Variants in C9orf152 observed in about 807,000 individuals in gnomAD.
C9orf152 encodes the protein chromosome 9 open reading frame 152.
In C9orf152, 8 loss-of-function variants were observed where a neutral mutation model predicts 8.5. The ratio of observed to expected loss-of-function variants is 0.94; its 90% CI spans 0.55 to 1.70. The LOEUF is 1.70. Ranked by LOEUF, C9orf152 falls within the 40% of genes most tolerant of loss-of-function variation. The pLI, the probability that C9orf152 is intolerant of heterozygous loss-of-function variation, is 0.00. For missense variants in C9orf152, 293 were observed against 286.2 expected, an observed-to-expected ratio of 1.02 and a Z score of -0.17; for synonymous variants, 109 against 113.0, an observed-to-expected ratio of 0.96 and a Z score of 0.22.
chr9:110,201,953 G>A (rs183161110), intron 1 of C9orf152, among the ~76,000 whole-genome samples: 7 of 152,202 alleles, frequency 4.6e-5, no homozygotes, highest in Admixed American at 1.3e-4. Flanking sequence ...TAGCGTTTGG[G>A]GCTAAAAGAA....
Position 110,207,492 on chromosome 9 carries a change from C to A in C9orf152, c.88G>T (p.Ala30Ser), listed in dbSNP as rs1348701349. ...CTGAGTGGGGGCCCTTTCCCAGGGG[C>A]CTGAGTCCTGGAGCCCTCAGCCATT... is the stretch of plus-strand genomic sequence containing the variant. ...HLMAEGSRTQ[A>S]PGKGPPLSIQ... The change falls in exon 1 of 2, where the codon GCC (alanine) becomes TCC (serine). Residue 30 changes from alanine to serine, a missense_variant. Coordinates refer to ENST00000400613, the MANE Select transcript of C9orf152 (RefSeq NM_001012993.3). 6.2e-7 allele frequency: 1 copy of A among 1,613,262 alleles called. No individual in the cohort carries two copies. Among genetic ancestry groups the A allele is most frequent in the Non-Finnish European group, 8.5e-7 (1 of 1,179,692 alleles).
rs535961935 is a variant in C9orf152, at chr9:110,200,511, A to G, written c.*437T>C. 1 of 155,880 alleles carries G rather than the reference A, an allele frequency of 6.4e-6. No individual in the cohort carries two copies. The highest frequency in any genetic ancestry group is 1.4e-5 in the Non-Finnish European group (1 of 70,852). 9.7% of individuals were successfully genotyped at this position (155,880 alleles called of 1,614,324 possible). ...ATTCTCAGAGCTTGTCTTCTCCAGA[A>G]TATATGAGAAATCATCAGAAGACAT... On this transcript the variant is annotated 3_prime_UTR_variant, in exon 2 of 2. Coordinates refer to ENST00000400613, the MANE Select transcript of C9orf152 (RefSeq NM_001012993.3).
Position 110,201,490 on chromosome 9 carries a change from A to T in C9orf152, c.194-16T>A. Reference sequence around the variant, plus strand: ...GTGTTTCCTCCTGAAAAGAGAATGCACCAGCAGGGTCATCACTGGAAGGGA... The same window carrying T: ...GTGTTTCCTCCTGAAAAGAGAATGCTCCAGCAGGGTCATCACTGGAAGGGA... On this transcript the variant is annotated splice_polypyrimidine_tract_variant and intron_variant, in intron 1 of 1. Transcript: ENST00000400613. 6.7e-7 allele frequency: 1 copy of T among 1,500,992 alleles called. No homozygotes were observed. The highest frequency in any genetic ancestry group is 8.8e-7 in the Non-Finnish European group (1 of 1,133,626). 93.0% of individuals were successfully genotyped at this position (1,500,992 alleles called of 1,614,324 possible).
In C9orf152 at chr9:110,207,604, C is replaced by T. The variant is rs1371749778; in HGVS notation, c.-25G>A. 6.5e-7 allele frequency: 1 copy of T among 1,550,204 alleles called. No individual in the cohort carries two copies. The highest frequency in any genetic ancestry group is 2.1e-5 in the Admixed American group (1 of 48,602). ...TCCGGATCCGGGAGAAAAGCAAACA[C>T]AGCTGGGTGGGGCAGGACCTGGGGA... On this transcript the variant is annotated 5_prime_UTR_variant, in exon 1 of 2. In the 5' UTR this introduces an upstream ATG that the reference lacks. Coordinates refer to ENST00000400613, the MANE Select transcript of C9orf152 (RefSeq NM_001012993.3).
At chr9:110,202,282 C>G (rs183839748) in intron 1 of C9orf152, among the ~76,000 whole-genome samples, 270 of 152,258 alleles carry the variant, frequency 1.8e-3, no homozygotes, top group African/African-American at 6.4e-3. Context: ...TGATTTTCAC[C>G]ATGTTGGCCA....
intron 1 of C9orf152, among the ~76,000 whole-genome samples, chr9:110,202,014 T>A (rs1210762230): frequency 6.6e-6 from 1 of 152,178 alleles, no homozygotes; most frequent in Admixed American, 6.5e-5. Context: ...GGTTCACATA[T>A]TCTCACCAGT....
chr9:110,207,316 C>T, intron 1 of C9orf152, 71 bp downstream of exon 1: 2 of 1,534,654 alleles, frequency 1.3e-6, no homozygotes, highest in Admixed American at 2.0e-5. Flanking sequence ...CCTGGCTCTG[C>T]CTCCCTGCAG....
chr9:110,205,848 G>A (rs1837268605), intron 1 of C9orf152, among the ~76,000 whole-genome samples: 1 of 152,124 alleles, frequency 6.6e-6, no homozygotes, highest in African/African-American at 2.4e-5. Flanking sequence ...GAGGTCAGGA[G>A]TTCAAGAGCA....
rs1837191459 is a variant in C9orf152 at position 110,199,930 on chromosome 9, A to T, written c.*1018T>A. On this transcript the variant is annotated 3_prime_UTR_variant, in exon 2 of 2. Transcript: ENST00000400613. Reference sequence around the variant, plus strand: ...CTGCTTCGCTTTGTCTTAGGTTTAAAAATATATTTGATCCCAGGAAGGATC... The same window carrying T: ...CTGCTTCGCTTTGTCTTAGGTTTAATAATATATTTGATCCCAGGAAGGATC... The T allele has an allele frequency of 6.6e-6, 1 of 152,226 alleles. No individual in the cohort carries two copies. The highest frequency in any genetic ancestry group is 1.5e-5 in the Non-Finnish European group (1 of 68,042). 9.4% of individuals were successfully genotyped at this position (152,226 alleles called of 1,614,324 possible).
intron 1 of C9orf152, 42 bp from the exon 2 acceptor site, chr9:110,201,516 C>T (rs752870762): frequency 2.0e-6 from 3 of 1,485,844 alleles, no homozygotes; most frequent in Non-Finnish European, 2.7e-6. Context: ...CTGGAAGGGA[C>T]AGGGGCGGCT....
chr9:110,204,280 G>A (rs527732333), intron 1 of C9orf152, among the ~76,000 whole-genome samples: 12 of 152,176 alleles, frequency 7.9e-5, no homozygotes, highest in Non-Finnish European at 1.6e-4. Flanking sequence ...GGGTACTTAC[G>A]TTGCATCAGG....
rs969460714 is a variant in C9orf152, at chr9:110,199,568, G to A, written c.*1380C>T. On this transcript the variant is annotated 3_prime_UTR_variant, in exon 2 of 2. Coordinates refer to ENST00000400613, the MANE Select transcript of C9orf152 (RefSeq NM_001012993.3). ...ACAAAAGCAAAGGACAAATTTTTTTGAGAAAATTTCCTTTTTTATTAGAAT... is the reference window on the plus strand; with the variant it reads ...ACAAAAGCAAAGGACAAATTTTTTTAAGAAAATTTCCTTTTTTATTAGAAT... 4.6e-5 allele frequency: 7 copies of A among 152,234 alleles called. No individual in the cohort carries two copies. Among genetic ancestry groups the A allele is most frequent in the Admixed American group, 3.9e-4 (6 of 15,296 alleles). The allele number at this position is 152,234 out of a possible 1,614,324, so 9.4% of individuals were successfully genotyped here.
chr9:110,201,380 A>G lies in C9orf152; in HGVS notation c.288T>C (p.Ser96=). The stretch of plus-strand genomic sequence containing the variant: ...CCTCCTCCAGCCTCCCCTCCACCTC[A>G]GAATCTGCCTCTTCCAGGGACAGTG... The part of the protein sequence containing the change: ...RSSLSLEEAD[S]EVEGRLEEAA... Residue 96 remains serine (S), a synonymous_variant, in exon 2 of 2, where the codon TCT becomes TCC. Coordinates refer to ENST00000400613, the MANE Select transcript of C9orf152 (RefSeq NM_001012993.3). 6.3e-7 allele frequency: 1 copy of G among 1,596,364 alleles called. No homozygotes were observed. Among genetic ancestry groups the G allele is most frequent in the Non-Finnish European group, 8.5e-7 (1 of 1,172,680 alleles).
chr9:110,199,819 G>T lies in C9orf152; in HGVS notation c.*1129C>A, dbSNP rs1310666305. Reference sequence around the variant, plus strand: ...AGAAAGCACCTGAGATGAGGGAAAGGCACCTTAGGTGTGTTTAAATAGCAT... The same window carrying T: ...AGAAAGCACCTGAGATGAGGGAAAGTCACCTTAGGTGTGTTTAAATAGCAT... On this transcript the variant is annotated 3_prime_UTR_variant, in exon 2 of 2. Coordinates refer to ENST00000400613, the MANE Select transcript of C9orf152 (RefSeq NM_001012993.3). The T allele has an allele frequency of 2.0e-5, 3 of 152,082 alleles. No homozygotes were observed. The highest frequency in any genetic ancestry group is 1.3e-4 in the Admixed American group (2 of 15,266). The allele number at this position is 152,082 out of a possible 1,614,324, so 9.4% of individuals were successfully genotyped here.
In C9orf152 at chr9:110,201,345, C is replaced by T; in HGVS notation, c.323G>A (p.Gly108Asp). The T allele has an allele frequency of 6.2e-7, 1 of 1,609,620 alleles. No individual in the cohort carries two copies. The highest frequency in any genetic ancestry group is 8.5e-7 in the Non-Finnish European group (1 of 1,177,800). ...VEGRLEEAAQ[G>D]CLQAPKSPWH... ...TGGAGACTTGGGGGCCTGAAGGCAG[C>T]CCTGGGCAGCCTCCTCCAGCCTCCC... Residue 108 changes from glycine to aspartate, a missense_variant, in exon 2 of 2, where the codon GGC (glycine) becomes GAC (aspartate). By Grantham distance (94) the Gly-to-Asp change is moderately conservative. Transcript: ENST00000400613.
chr9:110,201,095 T>G lies in C9orf152; in HGVS notation c.573A>C (p.Glu191Asp), dbSNP rs1837211811. 1 of 1,614,226 alleles carries G rather than the reference T, an allele frequency of 6.2e-7. No homozygotes were observed. The change falls in exon 2 of 2, where the codon GAA becomes GAC. Residue 191 changes from glutamate to aspartate, a missense_variant. Physicochemically the swap from Glu to Asp is conservative, Grantham distance 45. Transcript: ENST00000400613. ...QVGNTQTKAV[E>D]SGLKFSTQCP... ...ATTGAGTGCTGAATTTTAAGCCAGA[T>G]TCCACTGCCTTTGTTTGGGTATTGC...
At position 110,201,030 on chromosome 9, in the gene C9orf152, G is replaced by A. The variant is rs1359718548; in HGVS notation, c.638C>T (p.Pro213Leu). Residue 213 changes from proline (P) to leucine (L), a missense_variant, in exon 2 of 2, where the codon CCA becomes CTA. Pro to Leu is a moderately conservative substitution (Grantham distance 98). Coordinates refer to ENST00000400613, the MANE Select transcript of C9orf152 (RefSeq NM_001012993.3). ...CCTCTGGGGAAATGGATAGTAAGCT[G>A]GTTTGCCAGACCTGTGTGGGTTCTT... Reference protein sequence around the residue: ...SIKNPHRSGKPAYYPFPQRKT... With the variant: ...SIKNPHRSGKLAYYPFPQRKT... The A allele has an allele frequency of 6.2e-7, 1 of 1,614,206 alleles. No individual in the cohort carries two copies. Among genetic ancestry groups the A allele is most frequent in the Admixed American group, 1.7e-5 (1 of 60,022 alleles).
rs1412247607 is a variant in C9orf152 at position 110,208,111 on chromosome 9, A to G, written c.-532T>C. On this transcript the variant is annotated 5_prime_UTR_variant, in exon 1 of 2. Coordinates refer to ENST00000400613, the MANE Select transcript of C9orf152 (RefSeq NM_001012993.3). ...GCTTGATCCTAAAGTTTAGAATCCAATTCCCAGTGCCACGGTGAAGTCTCC... is the reference window on the plus strand; with the variant it reads ...GCTTGATCCTAAAGTTTAGAATCCAGTTCCCAGTGCCACGGTGAAGTCTCC... 2 of 153,384 alleles carry G rather than the reference A, an allele frequency of 1.3e-5. No individual in the cohort carries two copies. Among genetic ancestry groups the G allele is most frequent in the Non-Finnish European group, 2.9e-5 (2 of 69,018 alleles). 9.5% of individuals were successfully genotyped at this position (153,384 alleles called of 1,614,324 possible).
At position 110,201,345 on chromosome 9, in the gene C9orf152, C is replaced by G. The variant is rs1036216231; in HGVS notation, c.323G>C (p.Gly108Ala). Reference protein sequence around the residue: ...VEGRLEEAAQGCLQAPKSPWH... With the variant: ...VEGRLEEAAQACLQAPKSPWH... Reference sequence around the variant, plus strand: ...TGGAGACTTGGGGGCCTGAAGGCAGCCCTGGGCAGCCTCCTCCAGCCTCCC... The same window carrying G: ...TGGAGACTTGGGGGCCTGAAGGCAGGCCTGGGCAGCCTCCTCCAGCCTCCC... Residue 108 changes from glycine (G) to alanine (A), a missense_variant, in exon 2 of 2, where the codon GGC becomes GCC. Physicochemically the swap from Gly to Ala is moderately conservative, Grantham distance 60. Coordinates refer to ENST00000400613, the MANE Select transcript of C9orf152 (RefSeq NM_001012993.3). 3.7e-6 allele frequency: 6 copies of G among 1,609,502 alleles called. No individual in the cohort carries two copies. In the African/African-American group the frequency reaches 4.0e-5, roughly 11 times the overall value.
Sources: gnomAD v4.1 joint callset for allele counts (sites outside exome capture counted in the v4.1 genomes callset) on GRCh38, gnomAD v4.1.1 for gene constraint, MANE v1.5 for transcripts, NCBI Gene and HGNC (gene_info 2026-07-23, HGNC 2026-07-21) for gene names.